The following TM4SF5 variants were observed in gnomAD, a reference collection of about 807,000 sequenced individuals.
The protein encoded by TM4SF5 is transmembrane 4 L6 family member 5.
A neutral mutation model predicts 22.3 loss-of-function variants in TM4SF5; 16 were observed. That is an observed-to-expected ratio of 0.72 (90% CI 0.49 to 1.09). TM4SF5 has a LOEUF of 1.09. Ranked by LOEUF, TM4SF5 falls within the 50% of genes least tolerant of loss-of-function variation. The pLI, the probability that TM4SF5 is intolerant of heterozygous loss-of-function variation, is 0.00. For missense variants in TM4SF5, 249 were observed against 266.1 expected, an observed-to-expected ratio of 0.94 and a Z score of 0.45; for synonymous variants, 113 against 109.6, an observed-to-expected ratio of 1.03 and a Z score of -0.19.
At chr17:4,782,781 G>A (rs1917337964) in intron 3 of TM4SF5, 73 bp from the exon 4 acceptor site, 5 of 1,573,978 alleles carry the variant, frequency 3.2e-6, no homozygotes, top group Non-Finnish European at 4.3e-6. Context: ...CAAATCCCCT[G>A]GGACGTATTC....
chr17:4,774,510 G>A (rs1043387062), intron 1 of TM4SF5, among the ~76,000 whole-genome samples: 3 of 152,166 alleles, frequency 2.0e-5, no homozygotes, highest in African/African-American at 7.2e-5. Context: ...ACGCGCCACT[G>A]CACTCCAGCC....
chr17:4,780,111 A>G lies in TM4SF5; in HGVS notation c.178-678A>G, dbSNP rs62073594. On this transcript the variant is annotated intron_variant, in intron 1 of 4. Transcript: ENST00000270560. Reference sequence around the variant, plus strand: ...GCTCTTATTGCCCGGGTTGGAGTACAGTGGCACGATCTCAGCTCACCACAA... The same window carrying G: ...GCTCTTATTGCCCGGGTTGGAGTACGGTGGCACGATCTCAGCTCACCACAA... 2.9e-3 allele frequency among the ~76,000 whole-genome samples: 420 copies of G among 146,782 alleles called. 1 individual carries two copies. Among genetic ancestry groups the G allele is most frequent in the Non-Finnish European group, 4.5e-3 (302 of 67,406 alleles).
intron 1 of TM4SF5, among the ~76,000 whole-genome samples, chr17:4,777,208 A>G (rs1331790396): frequency 6.6e-6 from 1 of 151,810 alleles, no homozygotes; most frequent in Non-Finnish European, 1.5e-5. Flanking sequence ...AAAAAAAAAA[A>G]AAAGAAAAAG....
chr17:4,772,145 C>A (rs1917122473), intron 1 of TM4SF5, 46 bp downstream of exon 1: 7 of 1,609,324 alleles, frequency 4.3e-6, no homozygotes, highest in Non-Finnish European at 6.0e-6. Flanking sequence ...CTGGGTGCCA[C>A]CTAAGGGGTT....
At chr17:4,773,476 G>T (rs565016349) in intron 1 of TM4SF5, among the ~76,000 whole-genome samples, 1 of 152,124 alleles carries the variant, frequency 6.6e-6, no homozygotes, top group Admixed American at 6.6e-5. Context: ...AAAGACAAAA[G>T]ATCTACCCAG....
At chr17:4,774,383 A>G (rs1035859282) in intron 1 of TM4SF5, among the ~76,000 whole-genome samples, 1 of 152,126 alleles carries the variant, frequency 6.6e-6, no homozygotes, top group Non-Finnish European at 1.5e-5. Context: ...CTATGTACCC[A>G]GTGCTAGACC....
At chr17:4,781,870 A>C (rs992709660) in intron 2 of TM4SF5, among the ~76,000 whole-genome samples, 1 of 151,596 alleles carries the variant, frequency 6.6e-6, no homozygotes, top group Non-Finnish European at 1.5e-5. Flanking sequence ...AGTTAGGCTA[A>C]CCTGAAAGCC....
intron 2 of TM4SF5, among the ~76,000 whole-genome samples, chr17:4,781,660 G>A (rs996396903): frequency 2.6e-5 from 4 of 151,322 alleles, no homozygotes; most frequent in Non-Finnish European, 5.9e-5. Context: ...GGGATTACAG[G>A]CGCCTGCCAC....
In TM4SF5 at chr17:4,783,028, GA is replaced by G. The variant is rs758396747; in HGVS notation, c.576del (p.Lys192AsnfsTer29). ...TTGGTGTCTTCTGCGGCGATTGCAGGAAAAAACAGGTGAAATTTCTTGCGGT... is the reference window on the plus strand; with the variant it reads ...TTGGTGTCTTCTGCGGCGATTGCAGGAAAAACAGGTGAAATTTCTTGCGGT... ...TIGVFCGDCRKKQDTPH is the reference protein window; with the variant it reads ...TIGVFCGDCRXKQDTPH On this transcript the variant is annotated frameshift_variant, in exon 4 of 5. Coordinates refer to ENST00000270560, the MANE Select transcript of TM4SF5 (RefSeq NM_003963.3). LOFTEE classifies it high-confidence loss of function. 2 of 1,614,078 alleles carry G rather than the reference GA, an allele frequency of 1.2e-6. No individual in the cohort carries two copies. The highest frequency in any genetic ancestry group is 4.5e-5 in the East Asian group (2 of 44,880).
At position 4,772,108 on chromosome 17, in the gene TM4SF5, G is replaced by C. The variant is rs1917121556; in HGVS notation, c.177+9G>C. 9 of 1,614,128 alleles carry C rather than the reference G, an allele frequency of 5.6e-6. No individual in the cohort carries two copies. Among genetic ancestry groups the C allele is most frequent in the Non-Finnish European group, 7.6e-6 (9 of 1,180,014 alleles). On this transcript the variant is annotated intron_variant, in intron 1 of 4. Coordinates refer to ENST00000270560, the MANE Select transcript of TM4SF5 (RefSeq NM_003963.3). Reference sequence around the variant, plus strand: ...TTGGCGGGGGCCTAATGGTGAGAAGGCTGGCAGGGGAGCCCGGGCCAGCTG... The same window carrying C: ...TTGGCGGGGGCCTAATGGTGAGAAGCCTGGCAGGGGAGCCCGGGCCAGCTG...
chr17:4,783,034 A>G lies in TM4SF5; in HGVS notation c.576A>G (p.Lys192=), dbSNP rs781674880. Residue 192 remains lysine (K), a synonymous_variant, in exon 4 of 5, where the codon AAA becomes AAG. Transcript: ENST00000270560. ...TCTTCTGCGGCGATTGCAGGAAAAA[A>G]CAGGTGAAATTTCTTGCGGTGGAGT... ...IGVFCGDCRK[K]QDTPH 4 of 1,614,020 alleles carry G rather than the reference A, an allele frequency of 2.5e-6. No homozygotes were observed. The highest frequency in any genetic ancestry group is 4.5e-5 in the East Asian group (2 of 44,868).
chr17:4,779,577 C>T (rs993402111), intron 1 of TM4SF5, among the ~76,000 whole-genome samples: 1 of 152,140 alleles, frequency 6.6e-6, no homozygotes, highest in African/African-American at 2.4e-5. Context: ...GGGAGGAACT[C>T]ACAGATTCAG....
intron 2 of TM4SF5, 36 bp downstream of exon 2, chr17:4,780,905 G>A (rs781198954): frequency 3.2e-6 from 5 of 1,585,732 alleles, no homozygotes; most frequent in Non-Finnish European, 4.3e-6. Flanking sequence ...CAGGGCTGGG[G>A]GTGGTGTCTC....
chr17:4,778,027 C>T (rs1053726195), intron 1 of TM4SF5, among the ~76,000 whole-genome samples: 7 of 151,562 alleles, frequency 4.6e-5, no homozygotes, highest in African/African-American at 1.7e-4. Flanking sequence ...GTCTGGGCAA[C>T]AGTGTGAGAC....
chr17:4,777,436 A>G (rs768774391), intron 1 of TM4SF5, among the ~76,000 whole-genome samples: 14 of 152,182 alleles, frequency 9.2e-5, no homozygotes, highest in Non-Finnish European at 1.8e-4. Flanking sequence ...CTTTAATCAA[A>G]AGAGTAAAAA....
chr17:4,782,216 C>T (rs111647296), intron 2 of TM4SF5, among the ~76,000 whole-genome samples: 2,873 of 151,592 alleles, frequency 0.019, 33 homozygotes, highest in African/African-American at 0.042. Flanking sequence ...CCTGCCTCAG[C>T]CTCGGGCATG....
chr17:4,772,342 G>A (rs73339921), intron 1 of TM4SF5, among the ~76,000 whole-genome samples: 19,319 of 152,154 alleles, frequency 0.13, 1,743 homozygotes, highest in African/African-American at 0.25. Context: ...TACCGGGTAG[G>A]GAGCATGTCC....
chr17:4,772,152 G>A (rs1024842540), intron 1 of TM4SF5, 53 bp downstream of exon 1: 4 of 1,604,526 alleles, frequency 2.5e-6, no homozygotes, highest in Admixed American at 1.7e-5. Context: ...CCACCTAAGG[G>A]GTTCTGAACA....
chr17:4,777,146 G>A (rs1002058166), intron 1 of TM4SF5, among the ~76,000 whole-genome samples: 5 of 149,846 alleles, frequency 3.3e-5, no homozygotes, highest in South Asian at 4.2e-4. Flanking sequence ...ACAGTGAGCC[G>A]AGATCATGCC....
Sources: allele counts gnomAD v4.1 joint callset (sites outside exome capture counted in the v4.1 genomes callset), GRCh38; gene constraint gnomAD v4.1.1; transcripts MANE v1.5; gene names NCBI Gene and HGNC (gene_info 2026-07-23, HGNC 2026-07-21).